Variants in PTPRM observed in about 807,000 individuals in gnomAD.
The protein encoded by PTPRM is receptor-type tyrosine-protein phosphatase mu.
Under a neutral mutation model 186.7 loss-of-function variants are expected in PTPRM, and 47 were observed. That is an observed-to-expected ratio of 0.25 (90% confidence interval 0.20 to 0.32). The LOEUF (loss-of-function observed/expected upper bound fraction) is 0.32. Among genes scored for constraint, PTPRM ranks in the 10% least tolerant of loss-of-function variants. The pLI is 1.00. For missense variants in PTPRM, 1,494 were observed against 1,865.0 expected, an observed-to-expected ratio of 0.80 and a Z score of 3.66; for synonymous variants, 668 against 674.9, an observed-to-expected ratio of 0.99 and a Z score of 0.16.
intron 3 of PTPRM, 135 bp from the exon 4 acceptor site, chr18:7,906,370 G>A (rs997193287): frequency 1.5e-6 from 1 of 689,612 alleles, no homozygotes; most frequent in African/African-American, 1.8e-5. Context: ...CTGGAACATT[G>A]ACTAGCAGAT....
intron 2 of PTPRM, among the ~76,000 whole-genome samples, chr18:7,872,890 A>T (rs1240979025): frequency 1.3e-5 from 2 of 152,260 alleles, no homozygotes; most frequent in Admixed American, 6.5e-5. Flanking sequence ...AAGTAAAGCC[A>T]CATGAGTGTT....
intron 1 of PTPRM, among the ~76,000 whole-genome samples, chr18:7,612,087 A>C (rs948971425): frequency 6.6e-6 from 1 of 152,172 alleles, no homozygotes; most frequent in Non-Finnish European, 1.5e-5. Context: ...TTCCTTTCAT[A>C]TGTGTTTGGA....
chr18:8,101,832 C>T (rs2091304011), intron 11 of PTPRM, among the ~76,000 whole-genome samples: 1 of 152,196 alleles, frequency 6.6e-6, no homozygotes, highest in African/African-American at 2.4e-5. Context: ...GATCAGAAGA[C>T]ATCTTTCCTC....
intron 1 of PTPRM, among the ~76,000 whole-genome samples, chr18:7,612,708 C>T (rs1567983225): frequency 1.3e-5 from 2 of 152,154 alleles, no homozygotes; most frequent in African/African-American, 2.4e-5. Flanking sequence ...GAAAGAGAAG[C>T]TGAAATGCCC....
At chr18:8,401,776 A>G (rs974961201) in intron 32 of PTPRM, among the ~76,000 whole-genome samples, 4 of 152,252 alleles carry the variant, frequency 2.6e-5, no homozygotes, top group African/African-American at 9.6e-5. Flanking sequence ...CCAAGCTAGC[A>G]GTGGCTTTTA....
At chr18:8,080,813 G>A (rs1315767141) in intron 9 of PTPRM, among the ~76,000 whole-genome samples, 1 of 152,152 alleles carries the variant, frequency 6.6e-6, no homozygotes, top group African/African-American at 2.4e-5. Flanking sequence ...AATGAGCCAT[G>A]TATATGAAAT....
At chr18:7,880,797 C>A (rs918256274) in intron 2 of PTPRM, among the ~76,000 whole-genome samples, 1 of 152,046 alleles carries the variant, frequency 6.6e-6, no homozygotes, top group African/African-American at 2.4e-5. Flanking sequence ...AGGGGTGTAA[C>A]CTGGTATTAT....
intron 2 of PTPRM, among the ~76,000 whole-genome samples, chr18:7,806,809 C>T (rs984677940): frequency 6.6e-6 from 1 of 152,154 alleles, no homozygotes; most frequent in African/African-American, 2.4e-5. Flanking sequence ...GGTAATACAC[C>T]AGCTGGTAAG....
intron 14 of PTPRM, among the ~76,000 whole-genome samples, chr18:8,181,821 G>A (rs980874717): frequency 4.6e-5 from 7 of 151,702 alleles, no homozygotes; most frequent in Admixed American, 1.3e-4. Context: ...ATAATTCTCA[G>A]CTCTTGAGCC....
At chr18:7,658,125 C>T (rs1200254083) in intron 1 of PTPRM, among the ~76,000 whole-genome samples, 1 of 151,798 alleles carries the variant, frequency 6.6e-6, no homozygotes, top group Non-Finnish European at 1.5e-5. Flanking sequence ...CATTACATCC[C>T]CAGAATTTGT....
intron 13 of PTPRM, among the ~76,000 whole-genome samples, chr18:8,141,462 A>G (rs73389724): frequency 0.038 from 5,755 of 152,288 alleles, 371 homozygotes; most frequent in African/African-American, 0.13. Flanking sequence ...CTGCATAGCA[A>G]TGTGCATGCT....
At chr18:7,782,680 T>C (rs2042914768) in intron 2 of PTPRM, among the ~76,000 whole-genome samples, 1 of 152,170 alleles carries the variant, frequency 6.6e-6, no homozygotes, top group Non-Finnish European at 1.5e-5. Context: ...GTAAGTGGAG[T>C]CATACAGTGC....
chr18:8,054,520 A>T (rs1022181159), intron 7 of PTPRM, among the ~76,000 whole-genome samples: 20 of 151,370 alleles, frequency 1.3e-4, no homozygotes, highest in African/African-American at 4.9e-4. Flanking sequence ...CTGTATAGTG[A>T]TTACCCTAGA....
At chr18:7,828,298 A>G (rs1219064969) in intron 2 of PTPRM, among the ~76,000 whole-genome samples, 2 of 151,516 alleles carry the variant, frequency 1.3e-5, no homozygotes, top group Admixed American at 6.6e-5. Flanking sequence ...GTACATGTGC[A>G]CAATGTGCAG....
At chr18:8,092,511 C>T (rs2090793770) in intron 11 of PTPRM, among the ~76,000 whole-genome samples, 1 of 152,102 alleles carries the variant, frequency 6.6e-6, no homozygotes, top group African/African-American at 2.4e-5. Context: ...CCTTCTGAGG[C>T]TGAAGCGATC....
chr18:8,082,478 C>CCTCCCTCCTTTT (rs1476381254), intron 9 of PTPRM, among the ~76,000 whole-genome samples: 2 of 147,022 alleles, frequency 1.4e-5, no homozygotes, highest in Non-Finnish European at 3.0e-5. Flanking sequence ...ACCCTCCCTC[C>CCTCCCTCCTTTT]CTCCCTCCTT....
Position 8,037,548 on chromosome 18 carries a change from C to T in PTPRM, c.1133-32138C>T, listed in dbSNP as rs115814264. On this transcript the variant is annotated intron_variant, in intron 7 of 32. Coordinates refer to ENST00000580170, the MANE Select transcript of PTPRM (RefSeq NM_001105244.2). ...ATTTCTCTTGAGGTACTAAATTGCT[C>T]ATTTTGAGAAATGAGTCAAATGTAT... is the stretch of plus-strand genomic sequence containing the variant. Among the ~76,000 whole-genome samples, 392 of 152,250 alleles carry T rather than the reference C, an allele frequency of 2.6e-3. 2 individuals are homozygous for T. The highest frequency in any genetic ancestry group is 9.0e-3 in the African/African-American group (374 of 41,540).
chr18:7,912,516 T>C (rs1435364390), intron 4 of PTPRM, among the ~76,000 whole-genome samples: 1 of 152,074 alleles, frequency 6.6e-6, no homozygotes, highest in East Asian at 1.9e-4. Context: ...TCCTTTGTAC[T>C]TTCTTTTCTT....
At chr18:7,728,191 A>G (rs556558387) in intron 1 of PTPRM, among the ~76,000 whole-genome samples, 2 of 152,356 alleles carry the variant, frequency 1.3e-5, no homozygotes, top group East Asian at 3.9e-4. Flanking sequence ...GTATTTCAGT[A>G]TGTTTAATTC....
Sources: gnomAD v4.1 joint callset for allele counts (sites outside exome capture counted in the v4.1 genomes callset) on GRCh38, gnomAD v4.1.1 for gene constraint, MANE v1.5 for transcripts, NCBI Gene and HGNC (gene_info 2026-07-23, HGNC 2026-07-21) for gene names.